The following GUCY1A2 variants were observed in gnomAD, a reference collection of about 807,000 sequenced individuals.
The protein encoded by GUCY1A2 is guanylate cyclase 1 soluble subunit alpha 2.
GUCY1A2 carries 27 observed loss-of-function variants against 63.5 expected under a neutral mutation model. That is an observed-to-expected ratio of 0.43 (90% CI 0.31 to 0.59). The LOEUF (loss-of-function observed/expected upper bound fraction) is 0.59, where lower values mean the gene tolerates loss of function less well. Ranked by LOEUF, GUCY1A2 falls within the 20% of genes least tolerant of loss-of-function variation. The pLI is 0.11. For missense variants in GUCY1A2, 768 were observed against 913.3 expected (o/e 0.84, Z 2.05); for synonymous variants, 364 against 343.5 (o/e 1.06, Z -0.66).
intron 3 of GUCY1A2, among the ~76,000 whole-genome samples, chr11:106,958,569 A>T (rs1164462389): frequency 3.3e-5 from 5 of 151,626 alleles, no homozygotes; most frequent in African/African-American, 9.7e-5. Context: ...CAAAGAAGTA[A>T]TTCCAAGTGC....
chr11:106,972,926 C>T (rs1190700253), intron 3 of GUCY1A2, among the ~76,000 whole-genome samples: 1 of 152,046 alleles, frequency 6.6e-6, no homozygotes, highest in African/African-American at 2.4e-5. Flanking sequence ...ACTCAATATC[C>T]TTGTAACTTA....
At chr11:106,836,975 C>T (rs1859125447) in intron 4 of GUCY1A2, among the ~76,000 whole-genome samples, 1 of 151,812 alleles carries the variant, frequency 6.6e-6, no homozygotes, top group Non-Finnish European at 1.5e-5. Context: ...AATGATGAAA[C>T]AGACTAGTAT....
chr11:106,925,763 C>A (rs370504821), intron 4 of GUCY1A2, among the ~76,000 whole-genome samples: 17 of 152,226 alleles, frequency 1.1e-4, no homozygotes, highest in African/African-American at 4.1e-4. Context: ...CTGAAACTTA[C>A]AATATGCTAA....
At chr11:107,000,533 A>G (rs919967582) in intron 1 of GUCY1A2, among the ~76,000 whole-genome samples, 3 of 152,226 alleles carry the variant, frequency 2.0e-5, no homozygotes, top group Non-Finnish European at 4.4e-5. Flanking sequence ...AAAAGATACA[A>G]TAAGGGTAAT....
intron 5 of GUCY1A2, among the ~76,000 whole-genome samples, chr11:106,808,573 A>T (rs1343520659): frequency 6.6e-6 from 1 of 152,106 alleles, no homozygotes; most frequent in Admixed American, 6.6e-5. Context: ...TTTTTTCCAG[A>T]GAATAATTTA....
intron 5 of GUCY1A2, among the ~76,000 whole-genome samples, chr11:106,778,027 T>TA (rs1175169797): frequency 6.6e-6 from 1 of 152,208 alleles, no homozygotes; most frequent in Non-Finnish European, 1.5e-5. Context: ...TACCCCAGGT[T>TA]AAAACTCCCA....
At chr11:106,903,947 C>G (rs989516044) in intron 4 of GUCY1A2, among the ~76,000 whole-genome samples, 1 of 152,124 alleles carries the variant, frequency 6.6e-6, no homozygotes, top group Non-Finnish European at 1.5e-5. Flanking sequence ...GCTCCTAAAC[C>G]TTTCATTAAA....
At chr11:106,965,396 T>C (rs1265524472) in intron 3 of GUCY1A2, among the ~76,000 whole-genome samples, 1 of 152,232 alleles carries the variant, frequency 6.6e-6, no homozygotes, top group East Asian at 1.9e-4. Flanking sequence ...TATACATGTG[T>C]ATACATACAT....
chr11:106,919,875 T>G (rs1209651487), intron 4 of GUCY1A2, among the ~76,000 whole-genome samples: 2 of 152,092 alleles, frequency 1.3e-5, no homozygotes, highest in Admixed American at 6.6e-5. Flanking sequence ...ATGGAGTTTA[T>G]CTACCAAAAG....
At chr11:106,971,248 G>A (rs908129479) in intron 3 of GUCY1A2, among the ~76,000 whole-genome samples, 22 of 129,896 alleles carry the variant, frequency 1.7e-4, no homozygotes, top group African/African-American at 6.9e-4. Flanking sequence ...TGTGTGTTTA[G>A]GAGGTCAAAG....
At chr11:106,709,489 TA>T (rs1863009230) in intron 6 of GUCY1A2, among the ~76,000 whole-genome samples, 3 of 21,538 alleles carry the variant, frequency 1.4e-4, no homozygotes, top group South Asian at 1.4e-3. Flanking sequence ...TATATATTTA[TA>T]TATATATAAT....
At chr11:106,870,022 G>T (rs573953813) in intron 4 of GUCY1A2, among the ~76,000 whole-genome samples, 2 of 147,424 alleles carry the variant, frequency 1.4e-5, no homozygotes, top group African/African-American at 2.5e-5. Context: ...ACCAAACACC[G>T]CATGTTCTCA....
Position 107,013,585 on chromosome 11 carries a change from A to G in GUCY1A2, c.303+4168T>C, listed in dbSNP as rs1861777793. ...GTTTTGGAGACAGAGTCTCGCTGTC[A>G]CCCAGGGTCTGGAGTGCAGTGGTGT... On this transcript the variant is annotated intron_variant, in intron 1 of 7. Transcript: ENST00000526355. Among the ~76,000 whole-genome samples the G allele has an allele frequency of 1.3e-5, 2 of 152,124 alleles. 1 individual carries two copies. The highest frequency in any genetic ancestry group is 4.1e-4 in the South Asian group (2 of 4,820).
At chr11:106,973,751 C>T (rs922874882) in intron 3 of GUCY1A2, among the ~76,000 whole-genome samples, 11 of 152,078 alleles carry the variant, frequency 7.2e-5, no homozygotes, top group African/African-American at 2.7e-4. Flanking sequence ...GTTAGTTAAC[C>T]TTGCAAAGTA....
At chr11:106,977,384 T>G (rs570674749) in intron 3 of GUCY1A2, among the ~76,000 whole-genome samples, 24 of 152,352 alleles carry the variant, frequency 1.6e-4, no homozygotes, top group South Asian at 1.0e-3. Flanking sequence ...GCAGTTGTTC[T>G]AAGATTAAGG....
chr11:106,841,157 T>A (rs141074410), intron 4 of GUCY1A2, among the ~76,000 whole-genome samples: 2,092 of 151,918 alleles, frequency 0.014, 23 homozygotes, highest in Admixed American at 0.026. Flanking sequence ...CACATGATCT[T>A]CTCTGCCCTT....
chr11:106,922,069 A>G (rs181150834), intron 4 of GUCY1A2, among the ~76,000 whole-genome samples: 1 of 152,290 alleles, frequency 6.6e-6, no homozygotes, highest in East Asian at 1.9e-4. Context: ...CACTTGTACA[A>G]TTAGCTTTTT....
In GUCY1A2 at chr11:106,676,223, T is replaced by C. The variant is rs1279243820; in HGVS notation, c.*11326A>G. 5.5e-6 allele frequency: 1 copy of C among 181,354 alleles called. No homozygotes were observed. Among genetic ancestry groups the C allele is most frequent in the East Asian group, 9.1e-5 (1 of 11,040 alleles). The allele number at this position is 181,354 out of a possible 1,614,324, so 11.2% of individuals were successfully genotyped here. On this transcript the variant is annotated 3_prime_UTR_variant, in exon 8 of 8. Coordinates refer to ENST00000526355, the MANE Select transcript of GUCY1A2 (RefSeq NM_000855.3). Reference sequence around the variant, plus strand: ...AAATTATTATAAAGTCAATTAGAAATACCTACAATGGAAGAATGCCCTTAC... The same window carrying C: ...AAATTATTATAAAGTCAATTAGAAACACCTACAATGGAAGAATGCCCTTAC...
intron 1 of GUCY1A2, among the ~76,000 whole-genome samples, chr11:107,000,316 A>G (rs1421472827): frequency 2.0e-5 from 3 of 152,172 alleles, no homozygotes; most frequent in Non-Finnish European, 2.9e-5. Flanking sequence ...CTCTTCTCCA[A>G]CTTCCACACT....
Sources: allele counts gnomAD v4.1 joint callset (sites outside exome capture counted in the v4.1 genomes callset), GRCh38; gene constraint gnomAD v4.1.1; transcripts MANE v1.5; gene names NCBI Gene and HGNC (gene_info 2026-07-23, HGNC 2026-07-21).